Variants in TFIP11 observed in about 807,000 individuals in gnomAD.
TFIP11 encodes tuftelin-interacting protein 11.
TFIP11 carries 86 observed loss-of-function variants against 96.8 expected under a neutral mutation model. That is an observed-to-expected ratio of 0.89 (90% CI 0.75 to 1.06). TFIP11 has a LOEUF of 1.06. Among genes scored for constraint, TFIP11 ranks in the 50% least tolerant of loss-of-function variants. TFIP11 has a pLI of 0.00. For missense variants in TFIP11, 881 were observed against 1,076.7 expected, an observed-to-expected ratio of 0.82 and a Z score of 2.54; for synonymous variants, 405 against 395.2, an observed-to-expected ratio of 1.02 and a Z score of -0.29.
intron 4 of TFIP11, among the ~76,000 whole-genome samples, chr22:26,508,000 C>G (rs1923623360): frequency 6.6e-6 from 1 of 152,072 alleles, no homozygotes; most frequent in Non-Finnish European, 1.5e-5. Flanking sequence ...CCACGCCACT[C>G]AGGAGGCTGA....
At chr22:26,506,217 G>C (rs1430782176) in intron 6 of TFIP11, 86 bp downstream of exon 6, 4 of 1,421,142 alleles carry the variant, frequency 2.8e-6, no homozygotes, top group South Asian at 1.6e-5. Flanking sequence ...GCTTTTAAAA[G>C]GGAAAAGCAA....
intron 8 of TFIP11, among the ~76,000 whole-genome samples, chr22:26,501,008 C>T (rs1302004735): frequency 3.3e-5 from 5 of 151,972 alleles, no homozygotes; most frequent in Admixed American, 6.6e-5. Flanking sequence ...CTCAGCCTCC[C>T]GAGTAGCTGG....
chr22:26,501,892 C>G lies in TFIP11; in HGVS notation c.801+8G>C. ...GATCCTGTACCAGGTGTCCAAGGGC[C>G]CCTGTACCTTGACTTGAGAAAGTTC... On this transcript the variant is annotated splice_region_variant and intron_variant, in intron 8 of 14. Transcript: ENST00000407690. 6.2e-7 allele frequency: 1 copy of G among 1,610,644 alleles called. No homozygotes were observed. The highest frequency in any genetic ancestry group is 8.5e-7 in the Non-Finnish European group (1 of 1,178,550).
At position 26,506,892 on chromosome 22, in the gene TFIP11, G is replaced by C; in HGVS notation, c.246C>G (p.Ser82Arg). 1.9e-6 allele frequency: 3 copies of C among 1,614,110 alleles called. No homozygotes were observed. Among genetic ancestry groups the C allele is most frequent in the Non-Finnish European group, 2.5e-6 (3 of 1,180,032 alleles). Residue 82 changes from serine (S) to arginine (R), a missense_variant, in exon 5 of 15, where the codon AGC becomes AGG. Coordinates refer to ENST00000407690, the MANE Select transcript of TFIP11 (RefSeq NM_012143.4). ...CCGCTGCCCCTTTCTTGAGCCCTGC[G>C]CTGATGAAGTTGACTGGCGCAGAGT... ...RDYSAPVNFI[S>R]AGLKKGAAEE...
In TFIP11 at chr22:26,506,936, C is replaced by G. The variant is rs528203336; in HGVS notation, c.210-8G>C. The G allele has an allele frequency of 1.9e-6, 3 of 1,612,956 alleles. No individual in the cohort carries two copies. The highest frequency in any genetic ancestry group is 4.5e-5 in the East Asian group (2 of 44,876). On this transcript the variant is annotated splice_region_variant and splice_polypyrimidine_tract_variant and intron_variant, in intron 4 of 14. Transcript: ENST00000407690. ...GCAGAGTAGTCACGGGCCCTGTAGG[C>G]ACAGAAACAAAGCCCCACCAGGTCG... is the stretch of plus-strand genomic sequence containing the variant.
intron 7 of TFIP11, 59 bp downstream of exon 7, chr22:26,503,607 G>A: frequency 6.3e-7 from 1 of 1,594,334 alleles, no homozygotes. Context: ...AGGGATAAAT[G>A]AACAGCCATT....
At chr22:26,507,047 T>C in intron 4 of TFIP11, 119 bp from the exon 5 acceptor site, 1 of 1,238,428 alleles carries the variant, frequency 8.1e-7, no homozygotes, top group Non-Finnish European at 1.1e-6. Flanking sequence ...GGGAGGTTTT[T>C]TAAAAAAGTA....
chr22:26,495,136 G>T lies in TFIP11; in HGVS notation c.1850-197C>A, dbSNP rs560067945. ...ACCACCGTGGCCAACTAATTTTTGT[G>T]TTTTTATTAGAGACAGCGTTTTGGC... On this transcript the variant is annotated intron_variant, in intron 12 of 14. Coordinates refer to ENST00000407690, the MANE Select transcript of TFIP11 (RefSeq NM_012143.4). Among the ~76,000 whole-genome samples, 8 of 151,444 alleles carry T rather than the reference G, an allele frequency of 5.3e-5. No homozygotes were observed. The East Asian group carries it at 1.4e-3, about 26-fold the overall frequency.
chr22:26,506,891 C>T lies in TFIP11; in HGVS notation c.247G>A (p.Ala83Thr), dbSNP rs143474250. ...TCCGCTGCCCCTTTCTTGAGCCCTGCGCTGATGAAGTTGACTGGCGCAGAG... is the reference window on the plus strand; with the variant it reads ...TCCGCTGCCCCTTTCTTGAGCCCTGTGCTGATGAAGTTGACTGGCGCAGAG... ...DYSAPVNFIS[A>T]GLKKGAAEEA... The change falls in exon 5 of 15, where the codon GCA becomes ACA. Residue 83 changes from alanine (A) to threonine (T), a missense_variant. Transcript: ENST00000407690. 3.1e-6 allele frequency: 5 copies of T among 1,614,060 alleles called. No individual in the cohort carries two copies. In the African/African-American group the frequency reaches 5.3e-5, roughly 17 times the overall value.
At position 26,499,276 on chromosome 22, in the gene TFIP11, C is replaced by A. The variant is rs763900688; in HGVS notation, c.1157G>T (p.Arg386Leu). 1 of 1,613,702 alleles carries A rather than the reference C, an allele frequency of 6.2e-7. No homozygotes were observed. The highest frequency in any genetic ancestry group is 1.7e-5 in the Admixed American group (1 of 59,990). The change falls in exon 9 of 15, where the codon CGG becomes CTG. Residue 386 changes from arginine to leucine, a missense_variant. Coordinates refer to ENST00000407690, the MANE Select transcript of TFIP11 (RefSeq NM_012143.4). ...GGGGTTGCTGCAGTCGGGCTGCATC[C>A]GCCGCTCGCACTCCTCCACCATCTC... The part of the protein sequence containing the change: ...VLEMVEECER[R>L]MQPDCSNPLT...
intron 4 of TFIP11, among the ~76,000 whole-genome samples, chr22:26,509,535 T>C (rs1923803158): frequency 6.6e-6 from 1 of 152,146 alleles, no homozygotes; most frequent in African/African-American, 2.4e-5. Flanking sequence ...GCCTAATACA[T>C]AGCAATCGCT....
At chr22:26,503,911 C>G in intron 6 of TFIP11, 118 bp from the exon 7 acceptor site, 1 of 1,337,598 alleles carries the variant, frequency 7.5e-7, no homozygotes, top group African/African-American at 1.5e-5. Flanking sequence ...ACATGCTACT[C>G]AGGAAGGAGA....
At chr22:26,509,203 T>C (rs1195539223) in intron 4 of TFIP11, among the ~76,000 whole-genome samples, 3 of 152,106 alleles carry the variant, frequency 2.0e-5, no homozygotes, top group Non-Finnish European at 2.9e-5. Flanking sequence ...CTTCCCCCTC[T>C]CTGCTCCAGC....
intron 14 of TFIP11, 37 bp downstream of exon 14, chr22:26,494,102 T>C (rs2147119491): frequency 1.9e-6 from 3 of 1,607,420 alleles, no homozygotes; most frequent in South Asian, 2.2e-5. Flanking sequence ...ATCTGAAACT[T>C]GGGGCCAGGA....
chr22:26,496,586 C>G, intron 11 of TFIP11, 135 bp downstream of exon 11: 1 of 1,190,114 alleles, frequency 8.4e-7, no homozygotes, highest in South Asian at 1.6e-5. Context: ...CTGGAATTAA[C>G]ACTATAGGTC....
Position 26,506,925 on chromosome 22 carries a change from G to A in TFIP11, c.213C>T (p.Ala71=). The A allele has an allele frequency of 6.2e-7, 1 of 1,613,682 alleles. No homozygotes were observed. Among genetic ancestry groups the A allele is most frequent in the African/African-American group, 1.3e-5 (1 of 75,018 alleles). The change falls in exon 5 of 15, where the codon GCC becomes GCT. Residue 71 remains alanine, a synonymous_variant. Transcript: ENST00000407690. ...AGTTGACTGGCGCAGAGTAGTCACG[G>A]GCCCTGTAGGCACAGAAACAAAGCC... ...DERPSFGGKR[A]RDYSAPVNFI...
At chr22:26,503,846 G>A (rs1046628828) in intron 6 of TFIP11, 53 bp from the exon 7 acceptor site, 4 of 1,597,468 alleles carry the variant, frequency 2.5e-6, no homozygotes, top group African/African-American at 2.7e-5. Context: ...AGCAATTCAT[G>A]TATGTGAATC....
chr22:26,496,028 G>A (rs1369027850), intron 12 of TFIP11, 45 bp downstream of exon 12: 1 of 1,595,558 alleles, frequency 6.3e-7, no homozygotes, highest in Non-Finnish European at 8.6e-7. Context: ...AGAAACCAGG[G>A]CACCAAAGCT....
chr22:26,502,712 G>A (rs959640868), intron 7 of TFIP11, among the ~76,000 whole-genome samples: 3 of 152,126 alleles, frequency 2.0e-5, no homozygotes, highest in African/African-American at 7.2e-5. Context: ...AAAGTATCTA[G>A]ACATCTGGCT....
Sources: allele counts gnomAD v4.1 joint callset (sites outside exome capture counted in the v4.1 genomes callset), GRCh38; gene constraint gnomAD v4.1.1; transcripts MANE v1.5; gene names NCBI Gene and HGNC (gene_info 2026-07-23, HGNC 2026-07-21).